The following CTNND2 variants were observed in gnomAD, a reference collection of about 807,000 sequenced individuals.
CTNND2 encodes catenin delta 2.
In CTNND2, 22 loss-of-function variants were observed where a neutral mutation model predicts 144.4. The ratio of observed to expected loss-of-function variants is 0.15; its 90% CI spans 0.11 to 0.22. The LOEUF is 0.22. CTNND2 is among the 10% of genes least tolerant of loss of function. The probability of loss-of-function intolerance (pLI) is 1.00; values close to 1 mark genes in which losing one functional copy is unlikely to be tolerated. For missense variants in CTNND2, 1,353 were observed against 1,618.8 expected, an observed-to-expected ratio of 0.84 and a Z score of 2.82; for synonymous variants, 751 against 695.6, an observed-to-expected ratio of 1.08 and a Z score of -1.25.
At position 11,356,543 on chromosome 5, in the gene CTNND2, G is replaced by A. The variant is rs115837750; in HGVS notation, c.1372+8153C>T. On this transcript the variant is annotated intron_variant, in intron 8 of 21. Transcript: ENST00000304623. Reference sequence around the variant, plus strand: ...CTAATTCTCAGCATATACAAAAATCGACTCAAAATGGGTTAAAGACTTAAA... The same window carrying A: ...CTAATTCTCAGCATATACAAAAATCAACTCAAAATGGGTTAAAGACTTAAA... Among the ~76,000 whole-genome samples the A allele has an allele frequency of 4.6e-3, 695 of 151,958 alleles. 1 individual carries two copies. Among genetic ancestry groups the A allele is most frequent in the African/African-American group, 0.015 (610 of 41,490 alleles).
At chr5:11,297,982 C>A (rs537001961) in intron 9 of CTNND2, among the ~76,000 whole-genome samples, 1 of 152,270 alleles carries the variant, frequency 6.6e-6, no homozygotes, top group African/African-American at 2.4e-5. Flanking sequence ...GGGGTGAGCA[C>A]AGCCCTGAAA....
At chr5:11,864,528 G>A (rs116294208) in intron 1 of CTNND2, among the ~76,000 whole-genome samples, 154 of 152,250 alleles carry the variant, frequency 1.0e-3, no homozygotes, top group Non-Finnish European at 1.6e-3. Context: ...GCACCTGGCT[G>A]ACTCTCCAGC....
intron 3 of CTNND2, among the ~76,000 whole-genome samples, chr5:11,494,627 T>C (rs1397598587): frequency 1.3e-5 from 2 of 152,168 alleles, no homozygotes; most frequent in Non-Finnish European, 2.9e-5. Flanking sequence ...ATGAGAATAA[T>C]AAGCAATTCC....
At chr5:11,826,821 G>A (rs937156499) in intron 1 of CTNND2, among the ~76,000 whole-genome samples, 2 of 151,834 alleles carry the variant, frequency 1.3e-5, no homozygotes, top group Non-Finnish European at 2.9e-5. Context: ...TTCAAAATAT[G>A]TAATATAAAA....
At position 11,420,879 on chromosome 5, in the gene CTNND2, T is replaced by C. The variant is rs751860526; in HGVS notation, c.288-8810A>G. Among the ~76,000 whole-genome samples the C allele has an allele frequency of 4.6e-5, 7 of 152,326 alleles. No individual in the cohort carries two copies. In the East Asian group the frequency reaches 5.8e-4, roughly 13 times the overall value. On this transcript the variant is annotated intron_variant, in intron 3 of 21. Coordinates refer to ENST00000304623, the MANE Select transcript of CTNND2 (RefSeq NM_001332.4). The stretch of plus-strand genomic sequence containing the variant: ...TTTTACAGGCTACAATGGATATAGC[T>C]ACAGAATCTCAAAGCCTGGTATATC...
At chr5:11,234,062 G>A (rs1741348448) in intron 10 of CTNND2, among the ~76,000 whole-genome samples, 1 of 152,160 alleles carries the variant, frequency 6.6e-6, no homozygotes, top group South Asian at 2.1e-4. Flanking sequence ...GCTGCTAGGA[G>A]TGCCAGCTGC....
intron 2 of CTNND2, among the ~76,000 whole-genome samples, chr5:11,622,774 T>C (rs890203010): frequency 6.6e-6 from 1 of 152,138 alleles, no homozygotes; most frequent in African/African-American, 2.4e-5. Flanking sequence ...TACTTCAAAA[T>C]GGAGTTGAGA....
chr5:11,153,349 T>A (rs1457179044), intron 12 of CTNND2, among the ~76,000 whole-genome samples: 2 of 152,204 alleles, frequency 1.3e-5, no homozygotes, highest in African/African-American at 4.8e-5. Flanking sequence ...TTGGGGCTCA[T>A]GATACAACAC....
At chr5:11,237,388 AATCT>A (rs1390068164) in intron 9 of CTNND2, among the ~76,000 whole-genome samples, 1 of 152,234 alleles carries the variant, frequency 6.6e-6, no homozygotes, top group African/African-American at 2.4e-5. Context: ...TATACAGATC[AATCT>A]ATCAACTGAA....
intron 11 of CTNND2, among the ~76,000 whole-genome samples, chr5:11,188,553 G>A (rs1410338382): frequency 1.3e-5 from 2 of 152,156 alleles, no homozygotes; most frequent in East Asian, 1.9e-4. Context: ...AGCCACCATG[G>A]CACACATTTA....
chr5:11,772,526 A>G (rs1345855456), intron 1 of CTNND2, among the ~76,000 whole-genome samples: 1 of 152,248 alleles, frequency 6.6e-6, no homozygotes, highest in Non-Finnish European at 1.5e-5. Flanking sequence ...CCTAAAGCTT[A>G]TATGAAATTC....
intron 9 of CTNND2, among the ~76,000 whole-genome samples, chr5:11,263,585 G>A (rs545266301): frequency 6.6e-6 from 1 of 152,112 alleles, no homozygotes; most frequent in Admixed American, 6.6e-5. Context: ...AAAATTAAGA[G>A]AATTTAAAAA....
intron 5 of CTNND2, among the ~76,000 whole-genome samples, chr5:11,403,051 T>C (rs1760765259): frequency 6.6e-6 from 1 of 152,166 alleles, no homozygotes; most frequent in African/African-American, 2.4e-5. Flanking sequence ...TAAATTTTAT[T>C]TTACTTTAAG....
At chr5:11,140,507 C>A (rs1756620636) in intron 12 of CTNND2, among the ~76,000 whole-genome samples, 1 of 152,342 alleles carries the variant, frequency 6.6e-6, no homozygotes, top group Non-Finnish European at 1.5e-5. Flanking sequence ...TAATAAAGTT[C>A]AAGCTTACCT....
chr5:11,297,540 C>T (rs1196861930), intron 9 of CTNND2, among the ~76,000 whole-genome samples: 1 of 152,110 alleles, frequency 6.6e-6, no homozygotes. Context: ...TACATCAATA[C>T]ATAAATGGTT....
chr5:10,974,680 G>A (rs1008415891), intron 21 of CTNND2, among the ~76,000 whole-genome samples: 17 of 152,292 alleles, frequency 1.1e-4, no homozygotes, highest in African/African-American at 4.1e-4. Flanking sequence ...GATCTGGTGT[G>A]AATTATTAAA....
rs534715875 is a variant in CTNND2, at chr5:11,860,518, T to C, written c.37+43299A>G. Among the ~76,000 whole-genome samples the C allele has an allele frequency of 2.3e-3, 345 of 152,314 alleles. 5 individuals carry two copies. The highest frequency in any genetic ancestry group is 6.9e-3 in the African/African-American group (286 of 41,576). On this transcript the variant is annotated intron_variant, in intron 1 of 21. Transcript: ENST00000304623. ...GATTTCAGGTAATTATAGCTAAGAT[T>C]CTATAATGCACATAAGAATTGTTTC...
At chr5:11,222,137 C>T (rs1739862413) in intron 10 of CTNND2, among the ~76,000 whole-genome samples, 1 of 152,124 alleles carries the variant, frequency 6.6e-6, no homozygotes, top group Non-Finnish European at 1.5e-5. Flanking sequence ...CTCACCATTG[C>T]AAAGACTACA....
chr5:11,540,535 G>A lies in CTNND2; in HGVS notation c.287+24409C>T, dbSNP rs570499909. Among the ~76,000 whole-genome samples the A allele has an allele frequency of 2.3e-3, 356 of 152,260 alleles. 1 individual carries two copies. Among genetic ancestry groups the A allele is most frequent in the African/African-American group, 8.1e-3 (336 of 41,548 alleles). ...AATCTTTTGTTTGTTTGTTTGTTTT[G>A]AGAATAAGTCTTGCTCTGTCGTCCG... is the stretch of plus-strand genomic sequence containing the variant. On this transcript the variant is annotated intron_variant, in intron 3 of 21. Coordinates refer to ENST00000304623, the MANE Select transcript of CTNND2 (RefSeq NM_001332.4).
Sources: gnomAD v4.1 joint callset for allele counts (sites outside exome capture counted in the v4.1 genomes callset) on GRCh38, gnomAD v4.1.1 for gene constraint, MANE v1.5 for transcripts, NCBI Gene and HGNC (gene_info 2026-07-23, HGNC 2026-07-21) for gene names.